Variants in WDFY2 observed in about 807,000 individuals in gnomAD.
WDFY2 encodes the protein WD repeat and FYVE domain-containing protein 2.
WDFY2 carries 36 observed loss-of-function variants against 56.4 expected under a neutral mutation model. The ratio of observed to expected loss-of-function variants is 0.64; its 90% CI spans 0.49 to 0.84. The LOEUF (loss-of-function observed/expected upper bound fraction) is 0.84. WDFY2 is among the 40% of genes least tolerant of loss of function. WDFY2 has a pLI of 0.00. For missense variants in WDFY2, 444 were observed against 512.2 expected (o/e 0.87, Z 1.29); for synonymous variants, 176 against 183.7 (o/e 0.96, Z 0.34).
chr13:51,629,826 C>CTTTTTTTTTTTTT (rs11432630), intron 1 of WDFY2, among the ~76,000 whole-genome samples: 13 of 125,128 alleles, frequency 1.0e-4, no homozygotes, highest in African/African-American at 1.5e-4. Flanking sequence ...TCTTTCTTTT[C>CTTTTTTTTTTTTT]TTTTTTTTTT....
intron 1 of WDFY2, among the ~76,000 whole-genome samples, chr13:51,652,940 G>C (rs917250726): frequency 6.6e-6 from 1 of 152,150 alleles, no homozygotes; most frequent in Non-Finnish European, 1.5e-5. Flanking sequence ...TCCTGAATGT[G>C]AATGTTGGCC....
At chr13:51,609,982 A>C (rs1954464917) in intron 1 of WDFY2, among the ~76,000 whole-genome samples, 1 of 152,154 alleles carries the variant, frequency 6.6e-6, no homozygotes, top group South Asian at 2.1e-4. Flanking sequence ...CTGAAACCTC[A>C]ACATGTATGA....
intron 4 of WDFY2, among the ~76,000 whole-genome samples, chr13:51,707,939 C>CT (rs56054205): frequency 0.13 from 7,278 of 57,308 alleles, 1,920 homozygotes; most frequent in Non-Finnish European, 0.15. Flanking sequence ...CCTAAAACAA[C>CT]TTTTTTTTTT....
rs1371926703 is a variant in WDFY2, at chr13:51,713,571, G to A, written c.335-5627G>A. On this transcript the variant is annotated intron_variant, in intron 4 of 11. Coordinates refer to ENST00000298125, the MANE Select transcript of WDFY2 (RefSeq NM_052950.4). Reference sequence around the variant, plus strand: ...TGAAGACATATGCTAAGTGAAATAAGCCAATCAAGAAAAGGACAAGGCCAG... The same window carrying A: ...TGAAGACATATGCTAAGTGAAATAAACCAATCAAGAAAAGGACAAGGCCAG... Among the ~76,000 whole-genome samples, 6 of 152,264 alleles carry A rather than the reference G, an allele frequency of 3.9e-5. No individual in the cohort carries two copies. In the East Asian group the frequency reaches 1.2e-3, roughly 29 times the overall value.
At chr13:51,745,738 TAAAAAA>T (rs34880965) in intron 7 of WDFY2, among the ~76,000 whole-genome samples, 136 of 86,336 alleles carry the variant, frequency 1.6e-3, no homozygotes, top group African/African-American at 3.2e-3. Context: ...ATCCTTCATT[TAAAAAA>T]AAAAAAAAAA....
At chr13:51,683,243 G>C (rs533694241) in intron 3 of WDFY2, among the ~76,000 whole-genome samples, 3 of 152,304 alleles carry the variant, frequency 2.0e-5, no homozygotes, top group Admixed American at 1.3e-4. Flanking sequence ...ATTGTTTTAG[G>C]AATTTGGATT....
chr13:51,655,022 C>T (rs981956102), intron 1 of WDFY2, among the ~76,000 whole-genome samples: 22 of 152,042 alleles, frequency 1.4e-4, no homozygotes, highest in Admixed American at 1.0e-3. Context: ...TTATTAGAAA[C>T]ACAGATGGTT....
chr13:51,651,912 A>G (rs1010488926), intron 1 of WDFY2, among the ~76,000 whole-genome samples: 8 of 152,214 alleles, frequency 5.3e-5, no homozygotes, highest in African/African-American at 1.7e-4. Flanking sequence ...GATGTCTATT[A>G]GGTCCGCTTG....
intron 1 of WDFY2, among the ~76,000 whole-genome samples, chr13:51,603,971 A>G (rs1954335907): frequency 6.6e-6 from 1 of 152,200 alleles, no homozygotes; most frequent in African/African-American, 2.4e-5. Context: ...GCCTAGTGAA[A>G]GAGGGCAGCA....
intron 3 of WDFY2, 39 bp from the exon 4 acceptor site, chr13:51,703,557 G>T (rs9535738): frequency 0.18 from 255,311 of 1,455,622 alleles, 24,091 homozygotes; most frequent in South Asian, 0.21. Context: ...TTCACTTAAA[G>T]AATTTATTTT....
At chr13:51,688,703 A>G (rs1168004603) in intron 3 of WDFY2, among the ~76,000 whole-genome samples, 1 of 152,230 alleles carries the variant, frequency 6.6e-6, no homozygotes, top group African/African-American at 2.4e-5. Context: ...GAGAAACAGT[A>G]ATTGTCAGCC....
chr13:51,664,653 A>G (rs1955669411), intron 2 of WDFY2, among the ~76,000 whole-genome samples: 1 of 152,154 alleles, frequency 6.6e-6, no homozygotes, highest in Non-Finnish European at 1.5e-5. Context: ...GCCTAAGTTC[A>G]CCTGAGCAGA....
chr13:51,669,468 A>G (rs1169989907), intron 2 of WDFY2, among the ~76,000 whole-genome samples: 2 of 152,298 alleles, frequency 1.3e-5, no homozygotes, highest in East Asian at 3.9e-4. Flanking sequence ...TTACTCATAG[A>G]CCTGCACAGT....
Position 51,765,516 on chromosome 13 carries a change from A to C in WDFY2, c.*5747A>C, listed in dbSNP as rs1338650664. 1.3e-5 allele frequency: 2 copies of C among 152,146 alleles called. No homozygotes were observed. The highest frequency in any genetic ancestry group is 4.1e-4 in the South Asian group (2 of 4,822). The allele number at this position is 152,146 out of a possible 1,614,324, so 9.4% of individuals were successfully genotyped here. ...AGGGAGATTAAAGGCTTGAGGGATG[A>C]ATTTGATCATCATTCTTAAAGTCCC... On this transcript the variant is annotated 3_prime_UTR_variant, in exon 12 of 12. Transcript: ENST00000298125.
chr13:51,760,604 C>T lies in WDFY2; in HGVS notation c.*835C>T, dbSNP rs567827859. Reference sequence around the variant, plus strand: ...TCTTGTTTTAGCTTTTTTGACGCAGCTCTCCCTCACTCGTAACAATGAAAA... The same window carrying T: ...TCTTGTTTTAGCTTTTTTGACGCAGTTCTCCCTCACTCGTAACAATGAAAA... On this transcript the variant is annotated 3_prime_UTR_variant, in exon 12 of 12. Transcript: ENST00000298125. 8.5e-5 allele frequency: 13 copies of T among 152,270 alleles called. No individual in the cohort carries two copies. The highest frequency in any genetic ancestry group is 5.9e-4 in the Admixed American group (9 of 15,300). The allele number at this position is 152,270 out of a possible 1,614,324, so 9.4% of individuals were successfully genotyped here. A position where few individuals can be genotyped will look rare whatever the true frequency, so the allele number is the denominator to read the frequency against.
intron 3 of WDFY2, among the ~76,000 whole-genome samples, chr13:51,686,904 C>T (rs755289069): frequency 6.6e-6 from 1 of 151,390 alleles, no homozygotes; most frequent in Non-Finnish European, 1.5e-5. Flanking sequence ...CACATATTTT[C>T]ATTCAAAATT....
At chr13:51,715,915 C>T (rs946818215) in intron 4 of WDFY2, among the ~76,000 whole-genome samples, 3 of 152,074 alleles carry the variant, frequency 2.0e-5, no homozygotes, top group Admixed American at 6.5e-5. Context: ...AGTATTCACA[C>T]AAAAACTCAT....
rs748775347 is a variant in WDFY2 at position 51,584,834 on chromosome 13, A to G, written c.137+10A>G. On this transcript the variant is annotated intron_variant, in intron 1 of 11. Coordinates refer to ENST00000298125, the MANE Select transcript of WDFY2 (RefSeq NM_052950.4). ...GCGTCTCCGAGGACAGGTATGGACTACTGCCATTCGGCCGCGAGGAGGGGC... is the reference window on the plus strand; with the variant it reads ...GCGTCTCCGAGGACAGGTATGGACTGCTGCCATTCGGCCGCGAGGAGGGGC... 1.7e-5 allele frequency: 27 copies of G among 1,612,880 alleles called. No individual in the cohort carries two copies. The Middle Eastern group carries it at 4.9e-4, about 30-fold the overall frequency.
intron 4 of WDFY2, among the ~76,000 whole-genome samples, chr13:51,714,125 C>T (rs1219414559): frequency 6.7e-6 from 1 of 148,376 alleles, no homozygotes; most frequent in African/African-American, 2.5e-5. Context: ...TATTTTAATA[C>T]AGTAAAAAAT....
Sources: gnomAD v4.1 joint callset for allele counts (sites outside exome capture counted in the v4.1 genomes callset) on GRCh38, gnomAD v4.1.1 for gene constraint, MANE v1.5 for transcripts, NCBI Gene and HGNC (gene_info 2026-07-23, HGNC 2026-07-21) for gene names.